Variants in RFFL observed in about 807,000 individuals in gnomAD.
The protein encoded by RFFL is ring finger and FYVE like domain containing E3 ubiquitin protein ligase.
In RFFL, 16 loss-of-function variants were observed where a neutral mutation model predicts 40.4. That is an observed-to-expected ratio of 0.40 (90% CI 0.27 to 0.60). The LOEUF is 0.60. Ranked by LOEUF, RFFL falls within the 20% of genes least tolerant of loss-of-function variation. The pLI is 0.47. For missense variants in RFFL, 367 were observed against 451.7 expected, an observed-to-expected ratio of 0.81 and a Z score of 1.70; for synonymous variants, 154 against 167.9, an observed-to-expected ratio of 0.92 and a Z score of 0.64.
chr17:35,049,308 A>G (rs560430718), intron 1 of RFFL, among the ~76,000 whole-genome samples: 8 of 152,258 alleles, frequency 5.3e-5, no homozygotes, highest in African/African-American at 1.9e-4. Context: ...CAGAATGCAC[A>G]CACACACACA....
intron 2 of RFFL, 30 bp downstream of exon 2, chr17:35,026,344 G>A (rs1408236302): frequency 6.2e-7 from 1 of 1,608,446 alleles, no homozygotes; most frequent in East Asian, 2.2e-5. Context: ...AGGCTGCAGT[G>A]GCAGAGCAGG....
intron 6 of RFFL, 143 bp from the exon 7 acceptor site, chr17:35,012,292 G>T: frequency 1.5e-6 from 1 of 657,656 alleles, no homozygotes. Flanking sequence ...CCCTCAAATA[G>T]AGCTCCTCCG....
At chr17:35,033,557 GA>G (rs1333154369) in intron 1 of RFFL, among the ~76,000 whole-genome samples, 3 of 149,852 alleles carry the variant, frequency 2.0e-5, no homozygotes, top group East Asian at 3.9e-4. Context: ...AAATACATAA[GA>G]AAAAGAAGTG....
chr17:35,026,471 G>A lies in RFFL; in HGVS notation c.83C>T (p.Ala28Val). 6.2e-7 allele frequency: 1 copy of A among 1,613,278 alleles called. No homozygotes were observed. Among genetic ancestry groups the A allele is most frequent in the Non-Finnish European group, 8.5e-7 (1 of 1,179,680 alleles). The change falls in exon 2 of 7, where the codon GCC (alanine) becomes GTC (valine). Residue 28 changes from alanine (A) to valine (V), a missense_variant. Coordinates refer to ENST00000394597, the MANE Select transcript of RFFL (RefSeq NM_001017368.2). ...GGAGCTGTACCCAGGGTTGGAATAG[G>A]CCTGCATCCTGGCTCCCTGGGGTGG... ...VPPPQGARMQ[A>V]YSNPGYSSFP...
At position 35,039,182 on chromosome 17, in the gene RFFL, C is replaced by G. The variant is rs547500472; in HGVS notation, c.-8-12621G>C. 7.9e-5 allele frequency among the ~76,000 whole-genome samples: 12 copies of G among 152,002 alleles called. 1 individual carries two copies. The highest frequency in any genetic ancestry group is 2.7e-4 in the African/African-American group (11 of 41,464). ...TCAGCCTCCCAAAGTGCTGGGATTACAGACATGGGCCCCTGCACCCAGCCC... is the reference window on the plus strand; with the variant it reads ...TCAGCCTCCCAAAGTGCTGGGATTAGAGACATGGGCCCCTGCACCCAGCCC... On this transcript the variant is annotated intron_variant, in intron 1 of 6. Coordinates refer to ENST00000394597, the MANE Select transcript of RFFL (RefSeq NM_001017368.2).
intron 2 of RFFL, among the ~76,000 whole-genome samples, chr17:35,026,106 G>A (rs929128649): frequency 4.6e-5 from 7 of 152,240 alleles, no homozygotes; most frequent in African/African-American, 1.4e-4. Flanking sequence ...CAGGGAAACT[G>A]AATCTCAAGA....
At chr17:35,035,135 C>T (rs1319442155) in intron 1 of RFFL, among the ~76,000 whole-genome samples, 2 of 152,082 alleles carry the variant, frequency 1.3e-5, no homozygotes, top group Non-Finnish European at 2.9e-5. Flanking sequence ...GCTGGCTGGG[C>T]GCGGTGGCTC....
intron 1 of RFFL, among the ~76,000 whole-genome samples, chr17:35,068,806 G>C (rs560104849): frequency 1.9e-4 from 29 of 152,138 alleles, no homozygotes; most frequent in Non-Finnish European, 3.4e-4. Context: ...AGGAGGAGGA[G>C]AAAGGAAGTC....
At chr17:35,072,913 T>A (rs2091358265) in intron 1 of RFFL, among the ~76,000 whole-genome samples, 1 of 151,892 alleles carries the variant, frequency 6.6e-6, no homozygotes, top group African/African-American at 2.4e-5. Context: ...CATGGTAGCG[T>A]GCATCTGTAA....
chr17:35,078,502 A>G (rs928020686), intron 1 of RFFL, among the ~76,000 whole-genome samples: 1 of 152,124 alleles, frequency 6.6e-6, no homozygotes, highest in Non-Finnish European at 1.5e-5. Flanking sequence ...AGGTTTTGCT[A>G]TGTTGCCCAG....
At chr17:35,016,322 G>A in intron 5 of RFFL, 48 bp downstream of exon 5, 1 of 1,549,550 alleles carries the variant, frequency 6.5e-7, no homozygotes. Context: ...TGGAGTGACA[G>A]CAAACACTCC....
chr17:35,017,710 T>C (rs186585482), intron 3 of RFFL, 104 bp from the exon 4 acceptor site: 3 of 773,202 alleles, frequency 3.9e-6, no homozygotes, highest in Non-Finnish European at 4.4e-6. Flanking sequence ...ACTCCCATCA[T>C]GCCCAGAAAT....
intron 1 of RFFL, among the ~76,000 whole-genome samples, chr17:35,082,451 G>C (rs748173495): frequency 2.6e-5 from 4 of 152,212 alleles, no homozygotes; most frequent in Non-Finnish European, 5.9e-5. Context: ...TATTCCTGCA[G>C]ATAGTAACTC....
Position 35,075,292 on chromosome 17 carries a change from T to C in RFFL, c.-9+13813A>G, listed in dbSNP as rs116395223. Among the ~76,000 whole-genome samples, 736 of 152,328 alleles carry C rather than the reference T, an allele frequency of 4.8e-3. 10 individuals carry two copies. The highest frequency in any genetic ancestry group is 0.017 in the African/African-American group (698 of 41,580). ...TAAAAAGGTAAATTTGTTCTAGAGA[T>C]GCTTAAAGAAAAAACACTTGACTGG... is the stretch of plus-strand genomic sequence containing the variant. On this transcript the variant is annotated intron_variant, in intron 1 of 6. Coordinates refer to the RFFL transcript ENST00000315249.
At chr17:35,034,321 A>C (rs2091105955) in intron 1 of RFFL, among the ~76,000 whole-genome samples, 1 of 151,976 alleles carries the variant, frequency 6.6e-6, no homozygotes. Flanking sequence ...CCACAGAGCA[A>C]GTTCCTGTCT....
intron 1 of RFFL, among the ~76,000 whole-genome samples, chr17:35,051,814 C>G (rs1487327076): frequency 6.6e-6 from 1 of 152,182 alleles, no homozygotes; most frequent in East Asian, 1.9e-4. Flanking sequence ...TGAACACTGC[C>G]TCAAATCCAA....
At chr17:35,033,957 A>T (rs1283720332) in intron 1 of RFFL, among the ~76,000 whole-genome samples, 1 of 151,836 alleles carries the variant, frequency 6.6e-6, no homozygotes, top group Non-Finnish European at 1.5e-5. Context: ...CCTGGCTAAC[A>T]CAGTGAAACC....
At position 35,006,421 on chromosome 17, in the gene RFFL, C is replaced by T. The variant is rs936247050; in HGVS notation, c.*5547G>A. 12 of 152,316 alleles carry T rather than the reference C, an allele frequency of 7.9e-5. No homozygotes were observed. Among genetic ancestry groups the T allele is most frequent in the African/African-American group, 2.7e-4 (11 of 41,438 alleles). 9.4% of individuals were successfully genotyped at this position (152,316 alleles called of 1,614,324 possible). A position where few individuals can be genotyped will look rare whatever the true frequency, so the allele number is the denominator to read the frequency against. ...AATGGCTCTAACCTTAGGCAAGTTA[C>T]GTTAACATCTAAGCCTCAATCCCTC... On this transcript the variant is annotated 3_prime_UTR_variant, in exon 7 of 7. Coordinates refer to ENST00000394597, the MANE Select transcript of RFFL (RefSeq NM_001017368.2).
At chr17:35,035,252 T>C (rs1209814643) in intron 1 of RFFL, among the ~76,000 whole-genome samples, 1 of 151,808 alleles carries the variant, frequency 6.6e-6, no homozygotes, top group Non-Finnish European at 1.5e-5. Context: ...CTACTAAAAA[T>C]ACAAAAATTA....
Sources: allele counts gnomAD v4.1 joint callset (sites outside exome capture counted in the v4.1 genomes callset), GRCh38; gene constraint gnomAD v4.1.1; transcripts MANE v1.5; gene names NCBI Gene and HGNC (gene_info 2026-07-23, HGNC 2026-07-21).